Variants in NOP9 observed in about 807,000 individuals in gnomAD.
NOP9 encodes NOP9 nucleolar protein.
NOP9 carries 50 observed loss-of-function variants against 63.0 expected under a neutral mutation model. The observed-to-expected ratio is 0.79, with a 90% CI of 0.63 to 1.00. The LOEUF (loss-of-function observed/expected upper bound fraction) is 1.00, where lower values mean the gene tolerates loss of function less well. Among genes scored for constraint, NOP9 ranks in the 50% least tolerant of loss-of-function variants. The pLI, the probability that NOP9 is intolerant of heterozygous loss-of-function variation, is 0.00. For synonymous variants in NOP9, 343 were observed against 332.8 expected, an observed-to-expected ratio of 1.03 and a Z score of -0.33; for missense variants, 758 against 803.0, an observed-to-expected ratio of 0.94 and a Z score of 0.68.
At position 24,306,371 on chromosome 14, in the gene NOP9, T is replaced by A; in HGVS notation, c.*1276T>A. On this transcript the variant is annotated 3_prime_UTR_variant, in exon 10 of 10. Coordinates refer to ENST00000267425, the MANE Select transcript of NOP9 (RefSeq NM_174913.3). ...GGAAGCAGCCCCAGTATAGGCCTCT[T>A]ACCCTTGTAGGGCTCCAGCTCTGAC... The A allele has an allele frequency of 6.2e-7, 1 of 1,614,196 alleles. No homozygotes were observed. Among genetic ancestry groups the A allele is most frequent in the Non-Finnish European group, 8.5e-7 (1 of 1,180,022 alleles).
At chr14:24,290,484 G>A in the NOP9 span, 1 of 217,890 alleles carries the variant, frequency 4.6e-6, no homozygotes, top group African/African-American at 2.3e-5. Flanking sequence ...CTGGAGGAAA[G>A]GGGTCTTGTC....
the NOP9 span, among the ~76,000 whole-genome samples, chr14:24,287,014 C>T: frequency 3.9e-5 from 6 of 152,166 alleles, no homozygotes; most frequent in Non-Finnish European, 8.8e-5. Flanking sequence ...CTCAGCTTCC[C>T]GAGAAGCTGG....
At chr14:24,273,368 G>A in the NOP9 span, among the ~76,000 whole-genome samples, 173 of 152,076 alleles carry the variant, frequency 1.1e-3, no homozygotes, top group African/African-American at 4.1e-3. Flanking sequence ...TAGAAGAGAC[G>A]GGGTTTCACC....
the NOP9 span, among the ~76,000 whole-genome samples, chr14:24,283,166 A>G: frequency 6.6e-6 from 1 of 152,210 alleles, no homozygotes; most frequent in Admixed American, 6.5e-5. Context: ...AGAAAAATTT[A>G]TTATTTGTTC....
In NOP9 at chr14:24,307,309, C is replaced by T; in HGVS notation, c.*2214C>T. ...CCCTCTGCTCCATCATCACAAGTTG[C>T]CACTGTTGTGGAGCCCCTTGGCTAC... On this transcript the variant is annotated 3_prime_UTR_variant, in exon 10 of 10. Coordinates refer to ENST00000267425, the MANE Select transcript of NOP9 (RefSeq NM_174913.3). 1.3e-6 allele frequency: 2 copies of T among 1,538,220 alleles called. No homozygotes were observed. Among genetic ancestry groups the T allele is most frequent in the Non-Finnish European group, 1.8e-6 (2 of 1,133,936 alleles).
At chr14:24,278,464 ACT>A in the NOP9 span, among the ~76,000 whole-genome samples, 2 of 152,248 alleles carry the variant, frequency 1.3e-5, no homozygotes, top group Admixed American at 1.3e-4. Context: ...CACAGATGCC[ACT>A]CTCATAATCG....
upstream of NOP9, among the ~76,000 whole-genome samples, chr14:24,298,475 T>G (rs2041300734): frequency 6.6e-6 from 1 of 152,204 alleles, no homozygotes; most frequent in African/African-American, 2.4e-5. Flanking sequence ...AGTAAATAAG[T>G]AAAAAATGTG....
chr14:24,291,502 C>T, the NOP9 span: 94 of 1,563,990 alleles, frequency 6.0e-5, no homozygotes, highest in African/African-American at 8.5e-4. Flanking sequence ...TGGATGCTAC[C>T]GCACTACACA....
At chr14:24,284,387 A>G in the NOP9 span, among the ~76,000 whole-genome samples, 14 of 152,168 alleles carry the variant, frequency 9.2e-5, no homozygotes, top group Non-Finnish European at 1.6e-4. Flanking sequence ...AGGCTGCACA[A>G]ACACCAGCTG....
At chr14:24,273,088 A>C in the NOP9 span, among the ~76,000 whole-genome samples, 3 of 152,108 alleles carry the variant, frequency 2.0e-5, no homozygotes. Flanking sequence ...TACCACACGT[A>C]CACGTGTGTG....
Position 24,299,974 on chromosome 14 carries a change from C to T in NOP9, c.20C>T (p.Ser7Phe), listed in dbSNP as rs138618033. Residue 7 changes from serine (S) to phenylalanine (F), a missense_variant, in exon 1 of 10, where the codon TCT (serine) becomes TTT (phenylalanine). Ser to Phe is a radical substitution (Grantham distance 155). Transcript: ENST00000267425. The part of the protein sequence containing the change: MGQGPR[S>F]PHKVGRRFPA... ...GCACACATGGGGCAGGGTCCGCGCT[C>T]TCCACACAAGGTGGGGCGCCGGTTC... 447 of 1,581,912 alleles carry T rather than the reference C, an allele frequency of 2.8e-4. 1 individual carries two copies. In the African/African-American group the frequency reaches 4.4e-3, roughly 16 times the overall value.
chr14:24,305,118 G>A lies in NOP9; in HGVS notation c.*23G>A. 3 of 1,441,930 alleles carry A rather than the reference G, an allele frequency of 2.1e-6. No individual in the cohort carries two copies. Among genetic ancestry groups the A allele is most frequent in the Non-Finnish European group, 2.8e-6 (3 of 1,087,136 alleles). The allele number at this position is 1,441,930 out of a possible 1,614,324, so 89.3% of individuals were successfully genotyped here. Reference sequence around the variant, plus strand: ...TGAGGCTTTGGATCTGGGACTGGGTGTTGATGGGGGAGGGCAAAATGGGGT... The same window carrying A: ...TGAGGCTTTGGATCTGGGACTGGGTATTGATGGGGGAGGGCAAAATGGGGT... On this transcript the variant is annotated 3_prime_UTR_variant, in exon 10 of 10. Transcript: ENST00000267425.
the NOP9 span, among the ~76,000 whole-genome samples, chr14:24,277,739 C>T: frequency 4.7e-3 from 718 of 152,260 alleles, 15 homozygotes; most frequent in East Asian, 0.067. Context: ...TTGCTGGAGC[C>T]GGCCAGGGCC....
rs531493079 is a variant in NOP9 at position 24,305,338 on chromosome 14, T to C, written c.*243T>C. On this transcript the variant is annotated 3_prime_UTR_variant, in exon 10 of 10. Coordinates refer to ENST00000267425, the MANE Select transcript of NOP9 (RefSeq NM_174913.3). Reference sequence around the variant, plus strand: ...GGAGGCATTGGTAGGGGATTAGATGTAGCAGCAGTCAGGCTGGGATCAAGA... The same window carrying C: ...GGAGGCATTGGTAGGGGATTAGATGCAGCAGCAGTCAGGCTGGGATCAAGA... The C allele has an allele frequency of 3.4e-5, 19 of 559,478 alleles. No homozygotes were observed. The South Asian group carries it at 4.8e-4, about 14-fold the overall frequency. 34.7% of individuals were successfully genotyped at this position (559,478 alleles called of 1,614,324 possible). A position where few individuals can be genotyped will look rare whatever the true frequency, so the allele number is the denominator to read the frequency against.
intron 8 of NOP9, 70 bp from the exon 9 acceptor site, chr14:24,304,423 C>A: frequency 7.0e-7 from 1 of 1,425,020 alleles, no homozygotes; most frequent in Non-Finnish European, 9.6e-7. Context: ...AGAAAATTCA[C>A]TCTCCACAAG....
upstream of NOP9, among the ~76,000 whole-genome samples, chr14:24,296,300 A>C (rs1157719450): frequency 1.3e-5 from 2 of 152,218 alleles, no homozygotes; most frequent in African/African-American, 4.8e-5. Flanking sequence ...GGCTTGTTCC[A>C]ATGAAAATTA....
Position 24,302,434 on chromosome 14 carries a change from A to T in NOP9, c.1143+10A>T. 1 of 1,600,840 alleles carries T rather than the reference A, an allele frequency of 6.2e-7. No homozygotes were observed. The highest frequency in any genetic ancestry group is 8.5e-7 in the Non-Finnish European group (1 of 1,170,658). ...CACTACCCCTGAGCTGGTGAGTTGGAAACCTGAGCTGGATCTGTTTCTGCT... is the reference window on the plus strand; with the variant it reads ...CACTACCCCTGAGCTGGTGAGTTGGTAACCTGAGCTGGATCTGTTTCTGCT... On this transcript the variant is annotated intron_variant, in intron 5 of 9. Transcript: ENST00000267425.
chr14:24,277,038 C>T, the NOP9 span, among the ~76,000 whole-genome samples: 1 of 152,128 alleles, frequency 6.6e-6, no homozygotes, highest in African/African-American at 2.4e-5. Context: ...GTCCCTGTGG[C>T]TGTGGGGGGG....
intron 3 of NOP9, 33 bp from the exon 4 acceptor site, chr14:24,301,932 G>A (rs778674135): frequency 1.3e-6 from 2 of 1,593,116 alleles, no homozygotes; most frequent in East Asian, 4.5e-5. Context: ...TGGATTTTGG[G>A]AAAGCCGCTT....
Sources: gnomAD v4.1 joint callset for allele counts (sites outside exome capture counted in the v4.1 genomes callset) on GRCh38, gnomAD v4.1.1 for gene constraint, MANE v1.5 for transcripts, NCBI Gene and HGNC (gene_info 2026-07-23, HGNC 2026-07-21) for gene names.